CNTNAP2: variants seen among roughly 807,000 people sequenced by gnomAD.
CNTNAP2 encodes the protein contactin associated protein 2.
Under a neutral mutation model 155.2 loss-of-function variants are expected in CNTNAP2, and 98 were observed. That is an observed-to-expected ratio of 0.63 (90% confidence interval 0.54 to 0.75). CNTNAP2 has a LOEUF of 0.75. Among genes scored for constraint, CNTNAP2 ranks in the 30% least tolerant of loss-of-function variants. The pLI, the probability that CNTNAP2 is intolerant of heterozygous loss-of-function variation, is 0.00. For missense variants in CNTNAP2, 1,727 were observed against 1,688.1 expected, an observed-to-expected ratio of 1.02 and a Z score of -0.40; for synonymous variants, 651 against 631.2, an observed-to-expected ratio of 1.03 and a Z score of -0.47.
At chr7:147,235,225 T>G (rs533115954) in intron 8 of CNTNAP2, among the ~76,000 whole-genome samples, 1 of 152,154 alleles carries the variant, frequency 6.6e-6, no homozygotes, top group African/African-American at 2.4e-5. Context: ...AGTATTAAAC[T>G]ATAGGCTTTC....
rs534917891 is a variant in CNTNAP2, at chr7:147,309,696, C to T, written c.1498+9406C>T. On this transcript the variant is annotated intron_variant, in intron 9 of 23. Coordinates refer to ENST00000361727, the MANE Select transcript of CNTNAP2 (RefSeq NM_014141.6). ...TTGAAAATATTCAAATCAATATTTG[C>T]TATTTTATGCAATGTTCCTCATTTT... Among the ~76,000 whole-genome samples the T allele has an allele frequency of 3.3e-5, 5 of 152,132 alleles. No individual in the cohort carries two copies. The East Asian group carries it at 5.8e-4, about 18-fold the overall frequency.
chr7:146,940,232 A>T (rs1044269523), intron 3 of CNTNAP2, among the ~76,000 whole-genome samples: 15 of 151,252 alleles, frequency 9.9e-5, no homozygotes, highest in African/African-American at 3.6e-4. Context: ...TTTGAGATGG[A>T]GTCTTGCTCT....
At chr7:147,502,739 G>GTATATATATATA (rs36141642) in intron 11 of CNTNAP2, among the ~76,000 whole-genome samples, 1 of 83,004 alleles carries the variant, frequency 1.2e-5, no homozygotes, top group Non-Finnish European at 2.3e-5. Context: ...GTGTGTGTGT[G>GTATATATATATA]TGTATATATA....
intron 15 of CNTNAP2, among the ~76,000 whole-genome samples, chr7:148,072,364 A>G (rs761771929): frequency 2.9e-4 from 44 of 152,258 alleles, no homozygotes; most frequent in African/African-American, 9.9e-4. Context: ...GTCGGTCACA[A>G]CTTTTCAACT....
intron 18 of CNTNAP2, among the ~76,000 whole-genome samples, chr7:148,191,381 A>T (rs924490802): frequency 6.6e-6 from 1 of 151,894 alleles, no homozygotes; most frequent in Non-Finnish European, 1.5e-5. Context: ...CATCCTCTTG[A>T]TCTTGAGCTT....
intron 17 of CNTNAP2, among the ~76,000 whole-genome samples, chr7:148,155,100 G>C (rs1805373788): frequency 1.3e-5 from 2 of 152,136 alleles, no homozygotes; most frequent in African/African-American, 4.8e-5. Context: ...TCCCCTCAAT[G>C]AGTCCACACG....
chr7:146,548,798 G>GTTTTTTTTTTTTTTTTTTGTT (rs71165013), intron 1 of CNTNAP2, among the ~76,000 whole-genome samples: 2 of 123,714 alleles, frequency 1.6e-5, no homozygotes, highest in Non-Finnish European at 3.3e-5. Flanking sequence ...CATTCTCTAG[G>GTTTTTTTTTTTTTTTTTTGTT]TTTTTTTTTT....
chr7:147,239,155 C>T (rs1803881062), intron 8 of CNTNAP2, among the ~76,000 whole-genome samples: 1 of 151,754 alleles, frequency 6.6e-6, no homozygotes, highest in South Asian at 2.1e-4. Context: ...GTATGCAAAA[C>T]TCTGCTTGAT....
chr7:147,171,753 C>T (rs1333457281), intron 8 of CNTNAP2, among the ~76,000 whole-genome samples: 7 of 151,986 alleles, frequency 4.6e-5, no homozygotes, highest in South Asian at 2.1e-4. Context: ...TAAGAAGTTT[C>T]GAGCTTGGAA....
chr7:146,737,279 G>T (rs1346809717), intron 1 of CNTNAP2, among the ~76,000 whole-genome samples: 1 of 151,898 alleles, frequency 6.6e-6, no homozygotes, highest in Non-Finnish European at 1.5e-5. Flanking sequence ...TATCTTTTTT[G>T]TAGTGAGAAA....
chr7:147,661,036 G>T (rs1230807939), intron 13 of CNTNAP2, among the ~76,000 whole-genome samples: 1 of 151,994 alleles, frequency 6.6e-6, no homozygotes, highest in Non-Finnish European at 1.5e-5. Context: ...TTTGCAAGGG[G>T]CTGCTGTCCT....
At chr7:148,277,595 C>CT (rs1554410988) in intron 21 of CNTNAP2, among the ~76,000 whole-genome samples, 1 of 149,692 alleles carries the variant, frequency 6.7e-6, no homozygotes, top group Non-Finnish European at 1.5e-5. Flanking sequence ...GACCGCCCCC[C>CT]ACCACCACCG....
chr7:148,118,906 C>G (rs965231601), intron 16 of CNTNAP2, among the ~76,000 whole-genome samples: 4 of 152,176 alleles, frequency 2.6e-5, no homozygotes, highest in Non-Finnish European at 5.9e-5. Context: ...CTCAGCTGGC[C>G]TTGGAGCAAA....
intron 1 of CNTNAP2, among the ~76,000 whole-genome samples, chr7:146,726,364 TAAATA>T (rs772906067): frequency 1.5e-4 from 23 of 152,216 alleles, no homozygotes; most frequent in Non-Finnish European, 3.4e-4. Context: ...ATAATGGGGG[TAAATA>T]AAATAAAATT....
At chr7:146,873,094 A>G (rs542652985) in intron 3 of CNTNAP2, among the ~76,000 whole-genome samples, 234 of 152,320 alleles carry the variant, frequency 1.5e-3, no homozygotes, top group Non-Finnish European at 2.9e-3. Flanking sequence ...TTAAACTTCT[A>G]CCATTGGAGA....
At chr7:147,381,434 A>G (rs999507052) in intron 9 of CNTNAP2, among the ~76,000 whole-genome samples, 2 of 152,218 alleles carry the variant, frequency 1.3e-5, no homozygotes, top group Non-Finnish European at 2.9e-5. Context: ...TTATGACTGT[A>G]TCTGCCGATG....
chr7:146,944,224 G>GTTTTT (rs371117366), intron 3 of CNTNAP2, among the ~76,000 whole-genome samples: 1 of 143,606 alleles, frequency 7.0e-6, no homozygotes, highest in Non-Finnish European at 1.5e-5. Flanking sequence ...TCATCTACAG[G>GTTTTT]TTTTTTTTTT....
chr7:147,949,662 T>C (rs1489803150), intron 14 of CNTNAP2, among the ~76,000 whole-genome samples: 1 of 151,968 alleles, frequency 6.6e-6, no homozygotes, highest in Non-Finnish European at 1.5e-5. Flanking sequence ...TCAGCAGCAT[T>C]CTAATGCATG....
At chr7:146,756,237 T>C (rs1009767794) in intron 1 of CNTNAP2, among the ~76,000 whole-genome samples, 2 of 151,900 alleles carry the variant, frequency 1.3e-5, no homozygotes, top group Admixed American at 6.6e-5. Context: ...GATAAAAACA[T>C]GAAAAAAAAT....
Sources: allele counts gnomAD v4.1 joint callset (sites outside exome capture counted in the v4.1 genomes callset), GRCh38; gene constraint gnomAD v4.1.1; transcripts MANE v1.5; gene names NCBI Gene and HGNC (gene_info 2026-07-23, HGNC 2026-07-21).